Variants in DNAAF9 observed in about 807,000 individuals in gnomAD.
DNAAF9 encodes the protein dynein axonemal assembly factor 9, also known as shulin.
A neutral mutation model predicts 167.0 loss-of-function variants in DNAAF9; 90 were observed. The observed-to-expected ratio is 0.54, with a 90% CI of 0.45 to 0.64. The LOEUF (loss-of-function observed/expected upper bound fraction) is 0.64, where lower values mean the gene tolerates loss of function less well. Among genes scored for constraint, DNAAF9 ranks in the 30% least tolerant of loss-of-function variants. The probability of loss-of-function intolerance (pLI) is 0.00; values close to 1 mark genes in which losing one functional copy is unlikely to be tolerated. For missense variants in DNAAF9, 1,315 were observed against 1,442.2 expected, an observed-to-expected ratio of 0.91 and a Z score of 1.43; for synonymous variants, 491 against 508.8, an observed-to-expected ratio of 0.96 and a Z score of 0.47.
chr20:3,374,270 C>T (rs747462803), intron 5 of DNAAF9, 116 bp from the exon 6 acceptor site: 15 of 533,084 alleles, frequency 2.8e-5, no homozygotes, highest in Non-Finnish European at 5.0e-5. Flanking sequence ...AGGGCCTCAC[C>T]TAGCAAAATA....
At chr20:3,296,776 T>C (rs1164501519) in intron 23 of DNAAF9, 85 bp downstream of exon 23, 1 of 828,464 alleles carries the variant, frequency 1.2e-6, no homozygotes, top group Non-Finnish European at 2.0e-6. Context: ...AAGACCCCTG[T>C]GTTACATAAT....
At chr20:3,374,384 T>TAA (rs2083548691) in intron 5 of DNAAF9, among the ~76,000 whole-genome samples, 1 of 152,200 alleles carries the variant, frequency 6.6e-6, no homozygotes, top group African/African-American at 2.4e-5. Flanking sequence ...TTCTTTACAG[T>TAA]ATATTGTAAC....
chr20:3,317,254 G>A (rs1472788286), intron 17 of DNAAF9, among the ~76,000 whole-genome samples: 1 of 151,062 alleles, frequency 6.6e-6, no homozygotes, highest in African/African-American at 2.4e-5. Flanking sequence ...CCTGCTACTT[G>A]GGAGGCTGAG....
rs756091704 is a variant in DNAAF9, at chr20:3,294,594, C to T, written c.2054G>A (p.Ser685Asn). The stretch of plus-strand genomic sequence containing the variant: ...ACTCCGTTTCTCCCCAGCAGGCTGG[C>T]TCAGGGCACTGAAGAGCTTCTGTGC... ...SSAQKLFSAL[S>N]QPAGEKRSSL... is the part of the protein sequence containing the mutation. The change falls in exon 24 of 37, where the codon AGC becomes AAC. Residue 685 changes from serine (S) to asparagine (N), a missense_variant. Ser to Asn is a conservative substitution (Grantham distance 46). Around this residue, in one of 2 missense-constraint regions of DNAAF9, gnomAD observed 981 missense variants for 1,012.5 expected, o/e 0.97. Transcript: ENST00000252032. 6.2e-7 allele frequency: 1 copy of T among 1,613,828 alleles called. No individual in the cohort carries two copies. The highest frequency in any genetic ancestry group is 1.3e-5 in the African/African-American group (1 of 75,052).
intron 15 of DNAAF9, 102 bp from the exon 16 acceptor site, chr20:3,322,364 T>G: frequency 1.1e-6 from 1 of 933,710 alleles, no homozygotes; most frequent in Non-Finnish European, 1.7e-6. Context: ...AGTCATAGAT[T>G]CGGATTGCTC....
chr20:3,391,870 C>G (rs1178988760), intron 1 of DNAAF9, among the ~76,000 whole-genome samples: 1 of 152,124 alleles, frequency 6.6e-6, no homozygotes, highest in Non-Finnish European at 1.5e-5. Flanking sequence ...TGAGCCACCA[C>G]GCCTGGCTGT....
At position 3,322,651 on chromosome 20, in the gene DNAAF9, C is replaced by A. The variant is rs2069637423; in HGVS notation, c.1310+1G>T. 6.2e-7 allele frequency: 1 copy of A among 1,609,996 alleles called. No individual in the cohort carries two copies. The highest frequency in any genetic ancestry group is 8.5e-7 in the Non-Finnish European group (1 of 1,176,200). On this transcript the variant is annotated splice_donor_variant, in intron 15 of 36. Coordinates refer to ENST00000252032, the MANE Select transcript of DNAAF9 (RefSeq NM_001009984.3). LOFTEE classifies it high-confidence loss of function. The stretch of plus-strand genomic sequence containing the variant: ...AGGATGCACCACAATCATATACGCA[C>A]CTTCCCTGATTATTCACAGCATGTA...
At chr20:3,350,108 G>C (rs750032310) in intron 7 of DNAAF9, among the ~76,000 whole-genome samples, 1 of 149,868 alleles carries the variant, frequency 6.7e-6, no homozygotes, top group Non-Finnish European at 1.5e-5. Context: ...TTGTCTACTT[G>C]CTGCCCAGAC....
chr20:3,331,949 C>T (rs2326181), intron 11 of DNAAF9, among the ~76,000 whole-genome samples: 74,624 of 152,072 alleles, frequency 0.49, 18,473 homozygotes, highest in Middle Eastern at 0.65. Flanking sequence ...GCTGGGATTA[C>T]AGGCGTGAGC....
intron 1 of DNAAF9, among the ~76,000 whole-genome samples, chr20:3,398,828 A>T (rs992646660): frequency 2.0e-5 from 3 of 152,206 alleles, no homozygotes; most frequent in Non-Finnish European, 4.4e-5. Context: ...CCTTTGCAAA[A>T]CTAGACATGG....
intron 31 of DNAAF9, among the ~76,000 whole-genome samples, chr20:3,262,920 AC>A (rs1240901856): frequency 2.8e-5 from 4 of 144,804 alleles, no homozygotes; most frequent in Admixed American, 7.0e-5. Context: ...TTACATACTG[AC>A]CCTCTGGGAT....
chr20:3,294,194 G>A lies in DNAAF9; in HGVS notation c.2183C>T (p.Pro728Leu). 3 of 1,613,382 alleles carry A rather than the reference G, an allele frequency of 1.9e-6. No individual in the cohort carries two copies. The stretch of plus-strand genomic sequence containing the variant: ...GATTTCAGCTTGCTGCAGCAGCACA[G>A]GAAGATGGGTCCGCATCACAGGCTC... ...SQEPVMRTHL[P>L]VLLQQAEINT... is the part of the protein sequence containing the mutation. Residue 728 changes from proline (P) to leucine (L), a missense_variant, in exon 25 of 37, where the codon CCT becomes CTT. Physicochemically the swap from Pro to Leu is moderately conservative, Grantham distance 98. Around this residue, in one of 2 missense-constraint regions of DNAAF9, gnomAD observed 981 missense variants for 1,012.5 expected, o/e 0.97. Coordinates refer to ENST00000252032, the MANE Select transcript of DNAAF9 (RefSeq NM_001009984.3).
intron 1 of DNAAF9, among the ~76,000 whole-genome samples, chr20:3,402,070 G>T (rs567993818): frequency 5.1e-4 from 77 of 152,252 alleles, no homozygotes; most frequent in African/African-American, 1.7e-3. Context: ...ACACCTGCCT[G>T]AGAGTTTGGC....
chr20:3,293,862 G>C (rs114381497), intron 25 of DNAAF9, among the ~76,000 whole-genome samples: 2 of 152,072 alleles, frequency 1.3e-5, no homozygotes, highest in Admixed American at 6.6e-5. Context: ...CTGAGTAGGA[G>C]TTTAAATGTT....
chr20:3,366,431 G>A (rs968838964), intron 6 of DNAAF9, among the ~76,000 whole-genome samples: 1 of 152,070 alleles, frequency 6.6e-6, no homozygotes, highest in Non-Finnish European at 1.5e-5. Context: ...AAGCCATGCT[G>A]TAAACAGATG....
At chr20:3,303,995 C>G (rs2069241463) in intron 21 of DNAAF9, among the ~76,000 whole-genome samples, 1 of 152,186 alleles carries the variant, frequency 6.6e-6, no homozygotes, top group Non-Finnish European at 1.5e-5. Flanking sequence ...CCCTCTCTGG[C>G]TCACTTACAA....
rs534860988 is a variant in DNAAF9 at position 3,377,777 on chromosome 20, T to C, written c.284-1475A>G. Among the ~76,000 whole-genome samples the C allele has an allele frequency of 2.2e-3, 341 of 152,212 alleles. 1 individual carries two copies. The highest frequency in any genetic ancestry group is 3.7e-3 in the Non-Finnish European group (250 of 67,986). On this transcript the variant is annotated intron_variant, in intron 3 of 36. Transcript: ENST00000252032. ...CTGGCCAAGATCTCTGTTTTAATGT[T>C]AATGTTGGTCAGTTATGCCTGAATT...
intron 20 of DNAAF9, among the ~76,000 whole-genome samples, chr20:3,308,373 C>T (rs2069341806): frequency 7.4e-6 from 1 of 135,042 alleles, no homozygotes; most frequent in Admixed American, 8.3e-5. Context: ...GATGGAGTCT[C>T]ACTCTGTTGC....
chr20:3,332,073 A>C (rs2069839745), intron 11 of DNAAF9, among the ~76,000 whole-genome samples: 1 of 152,238 alleles, frequency 6.6e-6, no homozygotes, highest in African/African-American at 2.4e-5. Flanking sequence ...TGTAGGCTGC[A>C]CCAATCATCT....
Sources: gnomAD v4.1 joint callset for allele counts (sites outside exome capture counted in the v4.1 genomes callset) on GRCh38, gnomAD v4.1.1 for gene constraint, gnomAD v4.1.1 regional missense constraint, MANE v1.5 for transcripts, NCBI Gene and HGNC (gene_info 2026-07-23, HGNC 2026-07-21) for gene names.